Variants in CATSPERT observed in about 807,000 individuals in gnomAD.
The protein encoded by CATSPERT is catsper channel auxiliary subunit tau, also known as cation channel sperm-associated targeting subunit tau.
At chr2:201,491,064 G>A in the CATSPERT span, 4 of 972,378 alleles carry the variant, frequency 4.1e-6, no homozygotes, top group African/African-American at 1.7e-5. Context: ...ATGTCTTGGG[G>A]GTAATTAAGG....
chr2:201,506,701 C>A, the CATSPERT span, among the ~76,000 whole-genome samples: 1 of 152,024 alleles, frequency 6.6e-6, no homozygotes, highest in African/African-American at 2.4e-5. Flanking sequence ...CTACAGGTGC[C>A]TGCCACCATG....
chr2:201,543,391 C>A, the CATSPERT span, among the ~76,000 whole-genome samples: 1 of 152,192 alleles, frequency 6.6e-6, no homozygotes, highest in Non-Finnish European at 1.5e-5. Flanking sequence ...TGAAAAACAC[C>A]ATTAGAATTT....
chr2:201,567,220 G>C, the CATSPERT span, among the ~76,000 whole-genome samples: 2 of 152,144 alleles, frequency 1.3e-5, no homozygotes, highest in African/African-American at 4.8e-5. Context: ...CCCTAAATGT[G>C]AACATCTTTT....
the CATSPERT span, among the ~76,000 whole-genome samples, chr2:201,613,274 C>G: frequency 1.3e-5 from 2 of 152,168 alleles, no homozygotes; most frequent in African/African-American, 4.8e-5. Flanking sequence ...CCCTGACCCC[C>G]GAGTAGCCTA....
the CATSPERT span, among the ~76,000 whole-genome samples, chr2:201,585,213 A>T: frequency 1.3e-4 from 20 of 152,066 alleles, no homozygotes; most frequent in African/African-American, 3.9e-4. Flanking sequence ...GGAGGGGAAC[A>T]TCACACACCA....
At chr2:201,532,259 A>C in the CATSPERT span, among the ~76,000 whole-genome samples, 1 of 152,306 alleles carries the variant, frequency 6.6e-6, no homozygotes, top group African/African-American at 2.4e-5. Flanking sequence ...TATAAGCTCC[A>C]CAAGAACATT....
chr2:201,611,240 T>C, the CATSPERT span, among the ~76,000 whole-genome samples: 1 of 152,148 alleles, frequency 6.6e-6, no homozygotes, highest in South Asian at 2.1e-4. Context: ...AACTCCTCTA[T>C]CTGATAAATA....
chr2:201,527,398 G>GA, the CATSPERT span, among the ~76,000 whole-genome samples: 4 of 152,034 alleles, frequency 2.6e-5, no homozygotes, highest in Non-Finnish European at 5.9e-5. Flanking sequence ...TGCAGAATTA[G>GA]AAAAAAGCTA....
the CATSPERT span, chr2:201,492,449 A>G: frequency 3.3e-6 from 5 of 1,533,132 alleles, no homozygotes; most frequent in Non-Finnish European, 4.4e-6. Context: ...GATTTACTTA[A>G]AGGATATTTC....
chr2:201,527,767 T>C, the CATSPERT span, among the ~76,000 whole-genome samples: 2 of 152,038 alleles, frequency 1.3e-5, no homozygotes, highest in Non-Finnish European at 1.5e-5. Flanking sequence ...TCAAGTTAGA[T>C]TAAAGACTTA....
At chr2:201,491,282 A>C in the CATSPERT span, 1 of 1,537,748 alleles carries the variant, frequency 6.5e-7, no homozygotes, top group Non-Finnish European at 8.7e-7. Flanking sequence ...TTGTTAAATG[A>C]CTTTTTTGGT....
the CATSPERT span, among the ~76,000 whole-genome samples, chr2:201,610,454 T>C: frequency 2.8e-5 from 1 of 35,440 alleles, no homozygotes; most frequent in East Asian, 9.4e-4. Context: ...CGAGACTCCG[T>C]CTCAAAAAAA....
the CATSPERT span, among the ~76,000 whole-genome samples, chr2:201,571,430 G>C: frequency 2.0e-5 from 3 of 152,094 alleles, no homozygotes; most frequent in Admixed American, 2.0e-4. Flanking sequence ...GAAATTTCAA[G>C]ATTGATTAGC....
the CATSPERT span, chr2:201,549,927 G>T: frequency 1.3e-5 from 2 of 151,966 alleles, no homozygotes; most frequent in Admixed American, 6.6e-5. Context: ...AAAACCATAG[G>T]CTACCAATGA....
chr2:201,617,704 A>C, the CATSPERT span, among the ~76,000 whole-genome samples: 3 of 152,222 alleles, frequency 2.0e-5, no homozygotes, highest in African/African-American at 7.2e-5. Flanking sequence ...CAAAATCGAC[A>C]AATGGGATCT....
chr2:201,577,249 C>CAA, the CATSPERT span, among the ~76,000 whole-genome samples: 413 of 151,134 alleles, frequency 2.7e-3, 2 homozygotes, highest in African/African-American at 9.3e-3. Flanking sequence ...ATTCCAACAT[C>CAA]AAAAAAAAAT....
At chr2:201,547,372 AAG>A in the CATSPERT span, 1 of 517,302 alleles carries the variant, frequency 1.9e-6, no homozygotes, top group African/African-American at 2.0e-5. Flanking sequence ...CAAAACAGGT[AAG>A]TACCTGAACC....
the CATSPERT span, chr2:201,582,198 T>A: frequency 6.3e-7 from 1 of 1,599,630 alleles, no homozygotes; most frequent in Non-Finnish European, 8.5e-7. Flanking sequence ...ATTCCGCTTA[T>A]CATCATAACG....
At chr2:201,611,612 G>C in the CATSPERT span, among the ~76,000 whole-genome samples, 2 of 151,330 alleles carry the variant, frequency 1.3e-5, no homozygotes, top group Non-Finnish European at 1.5e-5. Flanking sequence ...ATAAAGATTG[G>C]AGCAGAAATA....
Sources: allele counts gnomAD v4.1 joint callset (sites outside exome capture counted in the v4.1 genomes callset), GRCh38; gene constraint gnomAD v4.1.1; transcripts MANE v1.5; gene names NCBI Gene and HGNC (gene_info 2026-07-23, HGNC 2026-07-21).